FLT3: variants seen among roughly 807,000 people sequenced by gnomAD.
The protein encoded by FLT3 is receptor-type tyrosine-protein kinase FLT3.
In FLT3, 46 loss-of-function variants were observed where a neutral mutation model predicts 126.6. The ratio of observed to expected loss-of-function variants is 0.36; its 90% CI spans 0.29 to 0.46. FLT3 has a LOEUF of 0.46. Ranked by LOEUF, FLT3 falls within the 20% of genes least tolerant of loss-of-function variation. The pLI is 1.00. For synonymous variants in FLT3, 404 were observed against 434.4 expected, an observed-to-expected ratio of 0.93 and a Z score of 0.87; for missense variants, 1,069 against 1,190.3, an observed-to-expected ratio of 0.90 and a Z score of 1.50.
At chr13:28,067,744 G>A (rs561400221) in intron 2 of FLT3, 11 of 162,004 alleles carry the variant, frequency 6.8e-5, no homozygotes, top group Non-Finnish European at 1.5e-4. Flanking sequence ...TGCACAAGCT[G>A]TGAAAAGTCC....
At chr13:28,015,302 T>C (rs1261078818) in intron 21 of FLT3, 46 bp from the exon 22 acceptor site, 1 of 1,236,560 alleles carries the variant, frequency 8.1e-7, no homozygotes, top group Admixed American at 1.8e-5. Context: ...CATTTCTTCA[T>C]TTGTTTATTG....
At chr13:28,031,018 A>G (rs1873280586) in intron 15 of FLT3, among the ~76,000 whole-genome samples, 1 of 152,168 alleles carries the variant, frequency 6.6e-6, no homozygotes, top group African/African-American at 2.4e-5. Flanking sequence ...CGAGGTCAGG[A>G]GATCAAGACC....
At chr13:28,071,978 T>C (rs946041385) in intron 1 of FLT3, among the ~76,000 whole-genome samples, 7 of 152,084 alleles carry the variant, frequency 4.6e-5, no homozygotes, top group African/African-American at 1.7e-4. Context: ...CCCAGCTTTA[T>C]CTGCTTTAAA....
At chr13:28,009,198 T>G (rs1280775596) in intron 23 of FLT3, 2 of 152,168 alleles carry the variant, frequency 1.3e-5, no homozygotes, top group Non-Finnish European at 2.9e-5. Flanking sequence ...CCCCATTTTG[T>G]TGGACTGATT....
intron 17 of FLT3, among the ~76,000 whole-genome samples, chr13:28,026,716 G>A (rs1181180556): frequency 2.6e-5 from 4 of 152,172 alleles, no homozygotes; most frequent in South Asian, 2.1e-4. Context: ...CCCAGGACCC[G>A]AGCTGCTCTC....
chr13:28,076,973 A>T (rs1290463747), intron 1 of FLT3, among the ~76,000 whole-genome samples: 1 of 105,166 alleles, frequency 9.5e-6, no homozygotes, highest in African/African-American at 3.2e-5. Context: ...GAAGGAAGGG[A>T]GGGAGGAAGG....
chr13:28,095,478 G>A (rs559645615), intron 1 of FLT3, among the ~76,000 whole-genome samples: 16 of 152,206 alleles, frequency 1.1e-4, no homozygotes, highest in Middle Eastern at 3.4e-3. Context: ...GTTTTATCAC[G>A]TTGGCCAGGA....
Position 28,027,195 on chromosome 13 carries a change from G to A in FLT3, c.2100C>T (p.Leu700=). 6.2e-7 allele frequency: 1 copy of A among 1,611,972 alleles called. No homozygotes were observed. The highest frequency in any genetic ancestry group is 8.5e-7 in the Non-Finnish European group (1 of 1,178,098). The change falls in exon 17 of 24, where the codon CTC becomes CTT. Residue 700 remains leucine (L), a synonymous_variant. Transcript: ENST00000241453. ...TTTCTCTTTTACTTCTTAGATAGTT[G>A]AGAAGATCACCATAGCAACAGTATT... ...IFEYCCYGDL[L]NYLRSKREKF... is the part of the protein sequence containing the mutation.
chr13:28,043,160 G>A lies in FLT3; in HGVS notation c.1205+5115C>T, dbSNP rs372844100. 1.8e-4 allele frequency among the ~76,000 whole-genome samples: 27 copies of A among 150,242 alleles called. No individual in the cohort carries two copies. The South Asian group carries it at 2.1e-3, about 12-fold the overall frequency. ...AGGCTAAGGAGAAGGTTTCAGAAGA[G>A]GTTACTAAGTAATTACAACAGTCCT... On this transcript the variant is annotated intron_variant, in intron 9 of 23. Coordinates refer to ENST00000241453, the MANE Select transcript of FLT3 (RefSeq NM_004119.3).
chr13:28,052,040 C>T (rs1312377446), intron 5 of FLT3, among the ~76,000 whole-genome samples: 2 of 151,792 alleles, frequency 1.3e-5, no homozygotes, highest in African/African-American at 4.9e-5. Context: ...CTTGTCCTCC[C>T]TGTGAAGCCC....
At chr13:28,056,173 C>T (rs2137752130) in intron 4 of FLT3, among the ~76,000 whole-genome samples, 1 of 152,264 alleles carries the variant, frequency 6.6e-6, no homozygotes, top group Admixed American at 6.5e-5. Context: ...TCACACAAGA[C>T]CCAGGGCAGT....
intron 23 of FLT3, among the ~76,000 whole-genome samples, chr13:28,011,044 G>A (rs1267378442): frequency 6.6e-6 from 1 of 151,472 alleles, no homozygotes; most frequent in African/African-American, 2.4e-5. Flanking sequence ...AGGTGGGGTG[G>A]CTCACGCCTG....
intron 1 of FLT3, among the ~76,000 whole-genome samples, chr13:28,091,327 TTC>T (rs1237003089): frequency 7.3e-6 from 1 of 137,920 alleles, no homozygotes; most frequent in Non-Finnish European, 1.5e-5. Context: ...GTTCACGCCA[TTC>T]TCCTGCCTCA....
intron 2 of FLT3, among the ~76,000 whole-genome samples, 200 bp downstream of exon 2, chr13:28,070,291 T>A (rs1272239231): frequency 6.6e-6 from 1 of 152,154 alleles, no homozygotes; most frequent in Non-Finnish European, 1.5e-5. Flanking sequence ...TCCTAAATCC[T>A]CATATGAAGA....
rs563536184 is a variant in FLT3, at chr13:28,067,276, G to C, written c.165+3215C>G. Among the ~76,000 whole-genome samples, 5 of 152,288 alleles carry C rather than the reference G, an allele frequency of 3.3e-5. No individual in the cohort carries two copies. In the South Asian group the frequency reaches 8.3e-4, roughly 25 times the overall value. ...AACCTCAGGTGATCCACCTGCCTGG[G>C]CCTCCCAAAATGCTGGGATTACAGG... is the stretch of plus-strand genomic sequence containing the variant. On this transcript the variant is annotated intron_variant, in intron 2 of 23. Coordinates refer to ENST00000241453, the MANE Select transcript of FLT3 (RefSeq NM_004119.3).
intron 17 of FLT3, 42 bp from the exon 18 acceptor site, chr13:28,024,985 C>T (rs1872689693): frequency 1.9e-6 from 2 of 1,035,488 alleles, no homozygotes; most frequent in South Asian, 2.7e-5. Flanking sequence ...CATTATTCTT[C>T]TCAGCAGACA....
intron 15 of FLT3, among the ~76,000 whole-genome samples, chr13:28,031,060 A>T (rs1873286581): frequency 6.6e-6 from 1 of 152,120 alleles, no homozygotes; most frequent in East Asian, 1.9e-4. Context: ...CTCTGTCTCT[A>T]CTAAAAATAC....
rs1875086409 is a variant in FLT3, at chr13:28,048,321, G to A, written c.1159C>T (p.Arg387Ter). ...TTTTGCTCACAAGGAAATGATTTTC[G>A]AGAGAAGGTCCACGTACATCTGATT... ...PQIRCTWTFS[R>*]KSFPCEQKGL... The change falls in exon 9 of 24, where the codon CGA (arginine) becomes TGA (stop). Residue 387 changes from arginine (R) to a stop codon, truncating the protein, a stop_gained. Transcript: ENST00000241453. LOFTEE classifies it high-confidence loss of function. The A allele has an allele frequency of 4.3e-6, 7 of 1,613,824 alleles. No individual in the cohort carries two copies. Among genetic ancestry groups the A allele is most frequent in the South Asian group, 1.1e-5 (1 of 91,058 alleles).
At chr13:28,030,910 A>G (rs935233844) in intron 15 of FLT3, among the ~76,000 whole-genome samples, 1 of 151,236 alleles carries the variant, frequency 6.6e-6, no homozygotes, top group South Asian at 2.1e-4. Context: ...TCTCAAAAAA[A>G]GAAAAAAGAA....
Sources: gnomAD v4.1 joint callset for allele counts (sites outside exome capture counted in the v4.1 genomes callset) on GRCh38, gnomAD v4.1.1 for gene constraint, MANE v1.5 for transcripts, NCBI Gene and HGNC (gene_info 2026-07-23, HGNC 2026-07-21) for gene names.